The following CALN1 variants were observed in gnomAD, a reference collection of about 807,000 sequenced individuals.
The protein encoded by CALN1 is calneuron 1.
CALN1 carries 17 observed loss-of-function variants against 30.6 expected under a neutral mutation model. The ratio of observed to expected loss-of-function variants is 0.56; its 90% CI spans 0.38 to 0.83. The LOEUF is 0.83. CALN1 is among the 40% of genes least tolerant of loss of function. The probability of loss-of-function intolerance (pLI) is 0.00; values close to 1 mark genes in which losing one functional copy is unlikely to be tolerated. For synonymous variants in CALN1, 156 were observed against 131.4 expected (o/e 1.19, Z -1.28); for missense variants, 291 against 354.9 (o/e 0.82, Z 1.45).
chr7:72,169,443 C>G (rs1788776445), intron 3 of CALN1, among the ~76,000 whole-genome samples: 1 of 151,590 alleles, frequency 6.6e-6, no homozygotes, highest in South Asian at 2.1e-4. Flanking sequence ...TCTCAGCTTC[C>G]CAAGTAGCTA....
At chr7:72,065,868 G>A (rs138484359) in intron 4 of CALN1, among the ~76,000 whole-genome samples, 14 of 152,080 alleles carry the variant, frequency 9.2e-5, no homozygotes, top group African/African-American at 3.4e-4. Context: ...ACTCCAGCCT[G>A]GGCAACAAGA....
intron 5 of CALN1, among the ~76,000 whole-genome samples, chr7:72,011,762 A>G (rs909029474): frequency 2.6e-5 from 4 of 152,144 alleles, no homozygotes; most frequent in Non-Finnish European, 4.4e-5. Context: ...CTCCCACCTC[A>G]GCCTCCCAAG....
At chr7:72,366,448 T>C (rs1446133199) in intron 2 of CALN1, among the ~76,000 whole-genome samples, 2 of 152,198 alleles carry the variant, frequency 1.3e-5, no homozygotes, top group African/African-American at 4.8e-5. Context: ...AGTGCTGGCA[T>C]TACAGGCATG....
intron 5 of CALN1, among the ~76,000 whole-genome samples, chr7:71,873,620 C>CAA (rs11376224): frequency 6.6e-5 from 10 of 151,806 alleles, no homozygotes; most frequent in Non-Finnish European, 1.0e-4. Flanking sequence ...AAAGTAAAAA[C>CAA]AAAAAAAATC....
intron 3 of CALN1, among the ~76,000 whole-genome samples, chr7:72,260,966 C>G (rs1043770372): frequency 2.0e-5 from 3 of 152,098 alleles, no homozygotes; most frequent in Non-Finnish European, 4.4e-5. Context: ...TCACTGGATA[C>G]GAGCAGAGTA....
At chr7:72,213,121 C>A (rs1792530983) in intron 3 of CALN1, among the ~76,000 whole-genome samples, 1 of 152,178 alleles carries the variant, frequency 6.6e-6, no homozygotes, top group South Asian at 2.1e-4. Flanking sequence ...TGGCAGTAAC[C>A]CTGCTACCAC....
chr7:72,230,240 G>T (rs1377299066), intron 3 of CALN1, among the ~76,000 whole-genome samples: 1 of 151,108 alleles, frequency 6.6e-6, no homozygotes, highest in African/African-American at 2.4e-5. Flanking sequence ...AAACCTGCAC[G>T]TTCTGCACAT....
chr7:72,240,198 T>C (rs1794739121), intron 3 of CALN1, among the ~76,000 whole-genome samples: 1 of 151,608 alleles, frequency 6.6e-6, no homozygotes, highest in Non-Finnish European at 1.5e-5. Flanking sequence ...ATTTCTTTTT[T>C]TTTTTTTTTA....
chr7:72,023,574 T>C (rs992666153), intron 5 of CALN1, 83 bp downstream of exon 5: 31 of 996,718 alleles, frequency 3.1e-5, no homozygotes, highest in Admixed American at 1.8e-4. Context: ...ACGTGCCAAA[T>C]AGAAGTTCAA....
At chr7:72,278,906 T>C in intron 2 of CALN1, 96 bp from the exon 3 acceptor site, 2 of 1,481,990 alleles carry the variant, frequency 1.3e-6, no homozygotes, top group South Asian at 1.2e-5. Context: ...AGATGGCCAG[T>C]GTCATTTTAA....
chr7:72,372,157 TTTC>T (rs550900838), intron 2 of CALN1, among the ~76,000 whole-genome samples: 14 of 152,320 alleles, frequency 9.2e-5, no homozygotes, highest in African/African-American at 3.4e-4. Flanking sequence ...CCTATGATTA[TTTC>T]TTTCTTTTCC....
rs74787500 is a variant in CALN1, at chr7:72,302,072, G to C, written c.120-23262C>G. Among the ~76,000 whole-genome samples, 27 of 152,144 alleles carry C rather than the reference G, an allele frequency of 1.8e-4. 1 individual carries two copies. The East Asian group carries it at 5.0e-3, about 28-fold the overall frequency. On this transcript the variant is annotated intron_variant, in intron 2 of 6. Transcript: ENST00000395275. ...AAACAGTCTGAGATGAGGAATTGAA[G>C]AAAGTTTAAAGAACTGATGAAATAG...
chr7:72,372,965 A>C (rs1015425335), intron 2 of CALN1, among the ~76,000 whole-genome samples: 9 of 152,324 alleles, frequency 5.9e-5, no homozygotes, highest in Non-Finnish European at 1.0e-4. Context: ...ATTATCTGGC[A>C]AAAAGGTAGC....
At chr7:72,348,320 G>C (rs942215638) in intron 2 of CALN1, among the ~76,000 whole-genome samples, 1 of 152,180 alleles carries the variant, frequency 6.6e-6, no homozygotes, top group African/African-American at 2.4e-5. Flanking sequence ...CAACTGCCCA[G>C]CTTTCTACCT....
chr7:71,958,647 A>G (rs1301836144), intron 5 of CALN1, among the ~76,000 whole-genome samples: 2 of 152,216 alleles, frequency 1.3e-5, no homozygotes, highest in Admixed American at 6.5e-5. Context: ...GGATTCTCCA[A>G]TCCTATGTTT....
At chr7:71,788,748 C>G (rs1235120675) in intron 6 of CALN1, among the ~76,000 whole-genome samples, 1 of 152,030 alleles carries the variant, frequency 6.6e-6, no homozygotes, top group Non-Finnish European at 1.5e-5. Flanking sequence ...AGCTCCACCT[C>G]CCAGGTTCAT....
intron 5 of CALN1, among the ~76,000 whole-genome samples, chr7:71,874,554 G>A (rs1015777479): frequency 8.5e-5 from 13 of 152,170 alleles, no homozygotes; most frequent in African/African-American, 2.7e-4. Context: ...CACTTGCAGC[G>A]TGGACTGGGA....
intron 5 of CALN1, among the ~76,000 whole-genome samples, chr7:71,958,200 T>C (rs952301761): frequency 6.6e-6 from 1 of 152,152 alleles, no homozygotes; most frequent in Non-Finnish European, 1.5e-5. Context: ...ATCATCTTAA[T>C]AGCGTACATT....
At chr7:71,806,119 A>C (rs1787594909) in intron 6 of CALN1, among the ~76,000 whole-genome samples, 1 of 152,162 alleles carries the variant, frequency 6.6e-6, no homozygotes, top group East Asian at 1.9e-4. Context: ...TGCGTAGGTA[A>C]TGGGTTGATA....
Sources: allele counts gnomAD v4.1 joint callset (sites outside exome capture counted in the v4.1 genomes callset), GRCh38; gene constraint gnomAD v4.1.1; transcripts MANE v1.5; gene names NCBI Gene and HGNC (gene_info 2026-07-23, HGNC 2026-07-21).